Variants in GABRA5 observed in about 807,000 individuals in gnomAD.
The protein encoded by GABRA5 is gamma-aminobutyric acid type A receptor subunit alpha5.
Under a neutral mutation model 47.3 loss-of-function variants are expected in GABRA5, and 18 were observed. The observed-to-expected ratio is 0.38, with a 90% confidence interval of 0.26 to 0.56. The LOEUF (loss-of-function observed/expected upper bound fraction) is 0.56. GABRA5 is among the 20% of genes least tolerant of loss of function. GABRA5 has a pLI of 0.71. For missense variants in GABRA5, 365 were observed against 599.3 expected (o/e 0.61, Z 4.08); for synonymous variants, 237 against 229.3 (o/e 1.03, Z -0.30).
At chr15:26,939,829 C>T (rs895961298) in intron 8 of GABRA5, 96 bp from the exon 9 acceptor site, 4 of 1,255,224 alleles carry the variant, frequency 3.2e-6, no homozygotes, top group Admixed American at 1.8e-5. Context: ...TTGTCCAAAC[C>T]GACAGGGGAG....
chr15:26,928,880 C>G (rs758316821), intron 7 of GABRA5, among the ~76,000 whole-genome samples: 1 of 152,056 alleles, frequency 6.6e-6, no homozygotes, highest in Non-Finnish European at 1.5e-5. Context: ...TGCCCTCACA[C>G]GATGGAAGGG....
intron 6 of GABRA5, among the ~76,000 whole-genome samples, chr15:26,907,046 T>C (rs182950175): frequency 6.6e-6 from 1 of 152,334 alleles, no homozygotes. Flanking sequence ...GTGAGAAGTT[T>C]TAGCCCAGTA....
intron 6 of GABRA5, among the ~76,000 whole-genome samples, chr15:26,894,484 C>T (rs923750897): frequency 2.0e-5 from 3 of 152,162 alleles, no homozygotes; most frequent in African/African-American, 7.2e-5. Flanking sequence ...GCCTCTTCCA[C>T]ACAATTTGCG....
chr15:26,934,600 G>C (rs1275047841), intron 7 of GABRA5, among the ~76,000 whole-genome samples: 3 of 152,158 alleles, frequency 2.0e-5, no homozygotes, highest in Admixed American at 6.5e-5. Context: ...TCAGGTGCGT[G>C]CTAAATACTC....
At chr15:26,894,431 G>A (rs998436358) in intron 6 of GABRA5, among the ~76,000 whole-genome samples, 2 of 152,216 alleles carry the variant, frequency 1.3e-5, no homozygotes, top group African/African-American at 2.4e-5. Context: ...CAGCGCTCCC[G>A]GAACGATCCC....
intron 10 of GABRA5, among the ~76,000 whole-genome samples, chr15:26,943,692 G>A (rs374886767): frequency 6.6e-6 from 1 of 152,234 alleles, no homozygotes; most frequent in Admixed American, 6.5e-5. Context: ...CTTGAGGGAC[G>A]ACTTGTCTGG....
intron 7 of GABRA5, among the ~76,000 whole-genome samples, chr15:26,918,998 C>T (rs965906409): frequency 2.6e-5 from 4 of 152,046 alleles, no homozygotes; most frequent in Non-Finnish European, 5.9e-5. Flanking sequence ...TTTAAATTAG[C>T]TAGACATGGT....
At chr15:26,912,578 A>T (rs1432398715) in intron 6 of GABRA5, among the ~76,000 whole-genome samples, 1 of 152,212 alleles carries the variant, frequency 6.6e-6, no homozygotes, top group African/African-American at 2.4e-5. Context: ...CAGGTAAAAT[A>T]ATATAAAAGT....
chr15:26,890,425 A>C (rs535922127), intron 6 of GABRA5, among the ~76,000 whole-genome samples: 39 of 118,866 alleles, frequency 3.3e-4, no homozygotes, highest in African/African-American at 8.6e-4. Flanking sequence ...TAGTCACTTC[A>C]ATTTTTTTTT....
At chr15:26,908,314 C>T (rs1408275383) in intron 6 of GABRA5, among the ~76,000 whole-genome samples, 1 of 152,132 alleles carries the variant, frequency 6.6e-6, no homozygotes, top group Non-Finnish European at 1.5e-5. Flanking sequence ...CCTCTTCCAT[C>T]CTTGCTAAGG....
At chr15:26,905,246 A>C (rs1344863902) in intron 6 of GABRA5, among the ~76,000 whole-genome samples, 2 of 150,878 alleles carry the variant, frequency 1.3e-5, no homozygotes, top group Admixed American at 6.6e-5. Context: ...ATTTTGAAGG[A>C]TCATTTTGTT....
intron 7 of GABRA5, among the ~76,000 whole-genome samples, chr15:26,918,126 A>G (rs1893759877): frequency 6.6e-6 from 1 of 151,740 alleles, no homozygotes. Flanking sequence ...TAATTCCCGA[A>G]GGAGTTAGGT....
chr15:26,875,187 G>T (rs887137841), intron 3 of GABRA5, among the ~76,000 whole-genome samples: 2 of 152,224 alleles, frequency 1.3e-5, no homozygotes, highest in Non-Finnish European at 2.9e-5. Flanking sequence ...GCCATTCTGG[G>T]TTCTGTGTCC....
intron 3 of GABRA5, among the ~76,000 whole-genome samples, chr15:26,873,676 T>C (rs889999888): frequency 1.3e-5 from 2 of 152,202 alleles, no homozygotes; most frequent in Admixed American, 6.5e-5. Context: ...ATGATATCTT[T>C]TTAAATGGAA....
At chr15:26,938,456 CA>C (rs1165499966) in intron 8 of GABRA5, among the ~76,000 whole-genome samples, 2 of 152,176 alleles carry the variant, frequency 1.3e-5, no homozygotes, top group Admixed American at 6.5e-5. Flanking sequence ...TTGCATTCTA[CA>C]ATCTTTTAAA....
At position 26,869,058 on chromosome 15, in the gene GABRA5, A is replaced by G. The variant is rs773590330; in HGVS notation, c.-74-117A>G. 5.4e-6 allele frequency: 3 copies of G among 554,138 alleles called. No homozygotes were observed. In the Admixed American group the frequency reaches 9.0e-5, roughly 17 times the overall value. The allele number at this position is 554,138 out of a possible 1,614,324, so 34.3% of individuals were successfully genotyped here. ...TACCTGGTGTGCAGCTGTCCTGGGGAAGGACAGCGGGCTCCTTTCTTTGCA... is the reference window on the plus strand; with the variant it reads ...TACCTGGTGTGCAGCTGTCCTGGGGGAGGACAGCGGGCTCCTTTCTTTGCA... On this transcript the variant is annotated intron_variant, in intron 2 of 10. Coordinates refer to ENST00000335625, the MANE Select transcript of GABRA5 (RefSeq NM_000810.4).
At position 26,884,971 on chromosome 15, in the gene GABRA5, G is replaced by A. The variant is rs114151891; in HGVS notation, c.497+1414G>A. The stretch of plus-strand genomic sequence containing the variant: ...GACCCTACCTTCTGTGTAGGAAAAC[G>A]CAAGGACTGGTGCTCTTATCTTGTA... On this transcript the variant is annotated intron_variant, in intron 6 of 10. Transcript: ENST00000335625. Among the ~76,000 whole-genome samples the A allele has an allele frequency of 9.8e-3, 1,496 of 152,218 alleles. 26 individuals are homozygous for A. The highest frequency in any genetic ancestry group is 0.034 in the African/African-American group (1,416 of 41,526).
chr15:26,946,123 A>G (rs2140604518), intron 10 of GABRA5, among the ~76,000 whole-genome samples: 1 of 151,934 alleles, frequency 6.6e-6, no homozygotes, highest in East Asian at 1.9e-4. Context: ...CACCTGTTTC[A>G]CCTGTTTCCC....
chr15:26,947,956 A>G lies in GABRA5; in HGVS notation c.1112A>G (p.Asn371Ser). 6.3e-7 allele frequency: 1 copy of G among 1,582,440 alleles called. No homozygotes were observed. Among genetic ancestry groups the G allele is most frequent in the Non-Finnish European group, 8.6e-7 (1 of 1,163,364 alleles). Reference protein sequence around the residue: ...KIKKKREVILNKSTNAFTTGK... With the variant: ...KIKKKREVILSKSTNAFTTGK... ...CAGAAAAAGCGTGAAGTCATACTAA[A>G]TAAGTCAACAAACGCTTTTACAACT... Residue 371 changes from asparagine to serine, a missense_variant, in exon 11 of 11, where the codon AAT becomes AGT. By Grantham distance (46) the Asn-to-Ser change is conservative. Around this residue, in one of 3 missense-constraint regions of GABRA5, gnomAD observed 106 missense variants for 130.3 expected, o/e 0.81. Transcript: ENST00000335625.
Sources: allele counts gnomAD v4.1 joint callset (sites outside exome capture counted in the v4.1 genomes callset), GRCh38; gene constraint gnomAD v4.1.1; regional missense constraint gnomAD v4.1.1; transcripts MANE v1.5; gene names NCBI Gene and HGNC (gene_info 2026-07-23, HGNC 2026-07-21).